Variants in MAP4K3 observed in about 807,000 individuals in gnomAD.
MAP4K3 encodes mitogen-activated protein kinase kinase kinase kinase 3, also known as MAPK/ERK kinase kinase kinase 3.
In MAP4K3, 94 loss-of-function variants were observed where a neutral mutation model predicts 143.5. The observed-to-expected ratio is 0.65, with a 90% CI of 0.55 to 0.78. MAP4K3 has a LOEUF of 0.78. Among genes scored for constraint, MAP4K3 ranks in the 30% least tolerant of loss-of-function variants. The probability of loss-of-function intolerance (pLI) is 0.00; values close to 1 mark genes in which losing one functional copy is unlikely to be tolerated. For missense variants in MAP4K3, 1,077 were observed against 1,068.1 expected, an observed-to-expected ratio of 1.01 and a Z score of -0.12; for synonymous variants, 416 against 347.2, an observed-to-expected ratio of 1.20 and a Z score of -2.20.
At chr2:39,288,420 C>G in intron 19 of MAP4K3, 140 bp from the exon 20 acceptor site, 1 of 639,454 alleles carries the variant, frequency 1.6e-6, no homozygotes, top group Non-Finnish European at 2.6e-6. Flanking sequence ...GGTTACTCAA[C>G]CATCCAATTC....
At chr2:39,333,387 G>A (rs1465683295) in intron 7 of MAP4K3, 145 bp downstream of exon 7, 12 of 628,546 alleles carry the variant, frequency 1.9e-5, no homozygotes, top group Non-Finnish European at 3.2e-5. Context: ...ATGCAGAGAG[G>A]TGACAGCATG....
At chr2:39,391,436 C>G (rs1666657263) in intron 1 of MAP4K3, among the ~76,000 whole-genome samples, 1 of 150,492 alleles carries the variant, frequency 6.6e-6, no homozygotes, top group Non-Finnish European at 1.5e-5. Context: ...ACTGTGCACA[C>G]CAGCACATTA....
intron 1 of MAP4K3, among the ~76,000 whole-genome samples, chr2:39,429,623 C>T (rs1311599161): frequency 6.6e-6 from 1 of 152,132 alleles, no homozygotes; most frequent in Non-Finnish European, 1.5e-5. Flanking sequence ...ACCTCTTTTC[C>T]TCTTTTTGCA....
intron 22 of MAP4K3, among the ~76,000 whole-genome samples, chr2:39,280,582 GA>G (rs201015805): frequency 8.5e-5 from 12 of 141,084 alleles, no homozygotes; most frequent in East Asian, 4.1e-4. Flanking sequence ...GGAAAAAAGA[GA>G]AAAAAAAAAG....
At chr2:39,267,393 CG>C (rs1297888404) in intron 26 of MAP4K3, 146 bp from the exon 27 acceptor site, 1 of 644,832 alleles carries the variant, frequency 1.6e-6, no homozygotes, top group Non-Finnish European at 2.7e-6. Context: ...ATAAAAAGGC[CG>C]GGTGCCATGG....
chr2:39,391,337 C>T (rs1187034843), intron 1 of MAP4K3, among the ~76,000 whole-genome samples: 9 of 106,924 alleles, frequency 8.4e-5, no homozygotes, highest in Admixed American at 3.1e-4. Context: ...CTGGCCTGAG[C>T]GACAGAGCAA....
intron 1 of MAP4K3, among the ~76,000 whole-genome samples, chr2:39,434,531 A>G (rs909329618): frequency 6.8e-5 from 9 of 131,524 alleles, no homozygotes; most frequent in Non-Finnish European, 1.2e-4. Flanking sequence ...ACTACTACTT[A>G]AAGATCTACA....
At chr2:39,291,927 G>T (rs979788328) in intron 18 of MAP4K3, among the ~76,000 whole-genome samples, 1 of 151,924 alleles carries the variant, frequency 6.6e-6, no homozygotes, top group African/African-American at 2.4e-5. Context: ...AAATGTCTCA[G>T]ATGAGGATTT....
intron 12 of MAP4K3, chr2:39,323,849 A>C (rs1683400679): frequency 6.6e-6 from 1 of 152,228 alleles, no homozygotes; most frequent in Non-Finnish European, 1.5e-5. Flanking sequence ...AATACACTGT[A>C]AATAATAGTT....
chr2:39,376,075 G>C (rs573844714), intron 2 of MAP4K3, among the ~76,000 whole-genome samples: 32 of 152,184 alleles, frequency 2.1e-4, no homozygotes, highest in Non-Finnish European at 4.1e-4. Context: ...TGCAAGAGTA[G>C]AATTGCTGGG....
chr2:39,371,167 TCTCACC>T (rs1666070833), intron 2 of MAP4K3, among the ~76,000 whole-genome samples: 1 of 152,076 alleles, frequency 6.6e-6, no homozygotes, highest in South Asian at 2.1e-4. Flanking sequence ...TCTTAGGGCA[TCTCACC>T]AAAAGAAAAG....
chr2:39,268,632 C>CTTTTTTTTTTTTT (rs1389888924), intron 26 of MAP4K3, among the ~76,000 whole-genome samples: 1 of 45,732 alleles, frequency 2.2e-5, no homozygotes, highest in Admixed American at 2.7e-4. Flanking sequence ...AAGATTTTTT[C>CTTTTTTTTTTTTT]TATTTTTTTT....
chr2:39,422,029 C>T (rs763054847), intron 1 of MAP4K3, among the ~76,000 whole-genome samples: 1 of 151,128 alleles, frequency 6.6e-6, no homozygotes, highest in Non-Finnish European at 1.5e-5. Context: ...ATACTATTCC[C>T]GTATCTAGTC....
chr2:39,371,288 C>G (rs1398056690), intron 2 of MAP4K3, among the ~76,000 whole-genome samples: 2 of 152,178 alleles, frequency 1.3e-5, no homozygotes, highest in Non-Finnish European at 2.9e-5. Flanking sequence ...TGTAAAGGGG[C>G]AGACTTCAGG....
At chr2:39,347,819 CTTTCTTAT>C (rs2148541237) in intron 3 of MAP4K3, among the ~76,000 whole-genome samples, 1 of 152,110 alleles carries the variant, frequency 6.6e-6, no homozygotes, top group Admixed American at 6.5e-5. Context: ...ATCACAACTT[CTTTCTTAT>C]AAGTGGTCAT....
chr2:39,401,128 A>C (rs915150875), intron 1 of MAP4K3, among the ~76,000 whole-genome samples: 2 of 152,168 alleles, frequency 1.3e-5, no homozygotes, highest in African/African-American at 4.8e-5. Flanking sequence ...CTAAGTTGAG[A>C]TGATGAAGCT....
At chr2:39,402,158 T>C (rs901496947) in intron 1 of MAP4K3, among the ~76,000 whole-genome samples, 2 of 152,028 alleles carry the variant, frequency 1.3e-5, no homozygotes, top group Non-Finnish European at 2.9e-5. Flanking sequence ...ATAACTGAGA[T>C]TAAACTACAA....
intron 15 of MAP4K3, among the ~76,000 whole-genome samples, chr2:39,305,910 A>T (rs1458735211): frequency 6.6e-6 from 1 of 151,926 alleles, no homozygotes; most frequent in East Asian, 1.9e-4. Flanking sequence ...GCTCACTGCA[A>T]CCTCCGCCTC....
intron 1 of MAP4K3, among the ~76,000 whole-genome samples, chr2:39,397,008 A>G (rs976332014): frequency 5.9e-5 from 9 of 152,196 alleles, no homozygotes; most frequent in Admixed American, 1.3e-4. Context: ...ACACATACCA[A>G]TAAGTGGCTG....
Sources: allele counts gnomAD v4.1 joint callset (sites outside exome capture counted in the v4.1 genomes callset), GRCh38; gene constraint gnomAD v4.1.1; transcripts MANE v1.5; gene names NCBI Gene and HGNC (gene_info 2026-07-23, HGNC 2026-07-21).